NRG1: variants seen among roughly 807,000 people sequenced by gnomAD.
NRG1 encodes the protein neuregulin 1, also known as pro-neuregulin-1, membrane-bound isoform.
In NRG1, 18 loss-of-function variants were observed where a neutral mutation model predicts 63.8. That is an observed-to-expected ratio of 0.28 (90% CI 0.19 to 0.42). The LOEUF (loss-of-function observed/expected upper bound fraction) is 0.42, where lower values mean the gene tolerates loss of function less well. Ranked by LOEUF, NRG1 falls within the 10% of genes least tolerant of loss-of-function variation. NRG1 has a pLI of 1.00. For synonymous variants in NRG1, 302 were observed against 301.3 expected (o/e 1.00, Z -0.02); for missense variants, 762 against 814.7 (o/e 0.94, Z 0.79).
intron 1 of NRG1, among the ~76,000 whole-genome samples, chr8:32,454,200 A>G (rs986011333): frequency 2.0e-5 from 3 of 152,140 alleles, no homozygotes; most frequent in African/African-American, 4.8e-5. Context: ...TCTGTATTTT[A>G]TTGTGTATTA....
intron 1 of NRG1, among the ~76,000 whole-genome samples, chr8:32,198,152 T>A (rs1245981490): frequency 6.6e-6 from 1 of 152,182 alleles, no homozygotes; most frequent in Middle Eastern, 3.2e-3. Context: ...GTGAAGGGCA[T>A]TTTTTATTGT....
At chr8:32,150,858 T>A (rs1378350090) in intron 1 of NRG1, among the ~76,000 whole-genome samples, 3 of 152,204 alleles carry the variant, frequency 2.0e-5, no homozygotes, top group African/African-American at 7.2e-5. Context: ...TCCTCTAAAC[T>A]GTTTCATTGT....
intron 7 of NRG1, among the ~76,000 whole-genome samples, chr8:32,746,428 C>T (rs558366616): frequency 1.3e-5 from 2 of 152,168 alleles, no homozygotes; most frequent in Non-Finnish European, 2.9e-5. Context: ...TCCTAAATGT[C>T]TTCAAATTTT....
At chr8:31,803,774 A>T (rs145234144) in intron 1 of NRG1, among the ~76,000 whole-genome samples, 1 of 152,198 alleles carries the variant, frequency 6.6e-6, no homozygotes, top group East Asian at 1.9e-4. Context: ...TAAAGGGTCT[A>T]CTTGATCAGT....
intron 1 of NRG1, among the ~76,000 whole-genome samples, chr8:32,085,859 TG>T (rs1828140714): frequency 6.6e-6 from 1 of 152,198 alleles, no homozygotes. Context: ...GTCATCAGCT[TG>T]GGTTCTGTTG....
chr8:31,727,442 A>G (rs1813561899), intron 1 of NRG1, among the ~76,000 whole-genome samples: 1 of 152,228 alleles, frequency 6.6e-6, no homozygotes, highest in African/African-American at 2.4e-5. Flanking sequence ...TCTTTAAAAA[A>G]TAAATACTTT....
chr8:31,748,567 T>C (rs1816127790), intron 1 of NRG1, among the ~76,000 whole-genome samples: 1 of 151,960 alleles, frequency 6.6e-6, no homozygotes, highest in African/African-American at 2.4e-5. Context: ...TGTAATATTA[T>C]GGCTGACCTA....
chr8:32,033,437 T>C (rs1407025421), intron 1 of NRG1, among the ~76,000 whole-genome samples: 1 of 152,190 alleles, frequency 6.6e-6, no homozygotes, highest in Admixed American at 6.5e-5. Flanking sequence ...ATGAGCTCTT[T>C]TGTAGTTTTA....
chr8:32,728,760 AC>A, intron 6 of NRG1: 1 of 697,650 alleles, frequency 1.4e-6, no homozygotes. Context: ...GAGTTGATGC[AC>A]CATTAAGAAG....
chr8:32,458,642 T>C (rs1367569051), intron 1 of NRG1, among the ~76,000 whole-genome samples: 1 of 152,196 alleles, frequency 6.6e-6, no homozygotes, highest in Admixed American at 6.5e-5. Context: ...TTTATGCTTT[T>C]ATTGCAGGTG....
At chr8:31,899,842 A>C (rs1831926608) in intron 1 of NRG1, among the ~76,000 whole-genome samples, 1 of 151,624 alleles carries the variant, frequency 6.6e-6, no homozygotes, top group South Asian at 2.1e-4. Flanking sequence ...AATAAAAATA[A>C]AAGAAATAGA....
Position 32,681,929 on chromosome 8 carries a change from C to T in NRG1, c.503-46020C>T, listed in dbSNP as rs550755315. 9.2e-5 allele frequency among the ~76,000 whole-genome samples: 14 copies of T among 152,218 alleles called. No homozygotes were observed. In the East Asian group the frequency reaches 2.3e-3, roughly 25 times the overall value. ...TCTCAGTGCAAAATGAGATAGATAA[C>T]GTTAACATGCACATGGAGTAATACA... On this transcript the variant is annotated intron_variant, in intron 5 of 11. Coordinates refer to ENST00000356819, the Ensembl canonical transcript of NRG1.
intron 1 of NRG1, among the ~76,000 whole-genome samples, chr8:32,315,247 C>T (rs978096424): frequency 2.0e-5 from 3 of 152,144 alleles, no homozygotes; most frequent in East Asian, 1.9e-4. Context: ...TGCCCACCCC[C>T]CTGACAGGTC....
At chr8:32,763,490 G>A (rs1267907810) in intron 11 of NRG1, 8 of 1,176,426 alleles carry the variant, frequency 6.8e-6, no homozygotes, top group Non-Finnish European at 8.3e-6. Context: ...ATTGTGATGA[G>A]ATTGAAAATC....
At chr8:31,858,156 G>C (rs955909843) in intron 1 of NRG1, among the ~76,000 whole-genome samples, 1 of 151,910 alleles carries the variant, frequency 6.6e-6, no homozygotes, top group Admixed American at 6.6e-5. Context: ...AAAATTAGTC[G>C]GGCATGGTGG....
chr8:31,676,335 C>A (rs566560924), intron 1 of NRG1, among the ~76,000 whole-genome samples: 49 of 152,272 alleles, frequency 3.2e-4, no homozygotes, highest in Admixed American at 7.9e-4. Flanking sequence ...TATTTCCATG[C>A]GATCATAGCT....
intron 1 of NRG1, among the ~76,000 whole-genome samples, chr8:32,222,829 G>A (rs1199616471): frequency 6.6e-6 from 1 of 152,146 alleles, no homozygotes; most frequent in Non-Finnish European, 1.5e-5. Flanking sequence ...AAAATGGCTG[G>A]AGAAAGTGAC....
At chr8:31,819,754 A>T (rs1823823938) in intron 1 of NRG1, among the ~76,000 whole-genome samples, 1 of 152,220 alleles carries the variant, frequency 6.6e-6, no homozygotes, top group Non-Finnish European at 1.5e-5. Flanking sequence ...TTTCCTCTTG[A>T]CATGGAACTA....
At chr8:32,370,496 C>T (rs1808668673) in intron 1 of NRG1, among the ~76,000 whole-genome samples, 1 of 152,110 alleles carries the variant, frequency 6.6e-6, no homozygotes, top group South Asian at 2.1e-4. Flanking sequence ...CATATATTTT[C>T]ATTCAGTACA....
Sources: allele counts gnomAD v4.1 joint callset (sites outside exome capture counted in the v4.1 genomes callset), GRCh38; gene constraint gnomAD v4.1.1; transcripts MANE v1.5; gene names NCBI Gene and HGNC (gene_info 2026-07-23, HGNC 2026-07-21).